The following AHSG variants were observed in gnomAD, a reference collection of about 807,000 sequenced individuals.
AHSG encodes the protein alpha-2-HS-glycoprotein.
AHSG carries 23 observed loss-of-function variants against 30.1 expected under a neutral mutation model. That is an observed-to-expected ratio of 0.76 (90% confidence interval 0.55 to 1.08). The LOEUF (loss-of-function observed/expected upper bound fraction) is 1.08, where lower values mean the gene tolerates loss of function less well. AHSG is among the 50% of genes least tolerant of loss of function. The probability of loss-of-function intolerance (pLI) is 0.00; values close to 1 mark genes in which losing one functional copy is unlikely to be tolerated. For synonymous variants in AHSG, 164 were observed against 186.3 expected, an observed-to-expected ratio of 0.88 and a Z score of 0.98; for missense variants, 469 against 459.5, an observed-to-expected ratio of 1.02 and a Z score of -0.19.
chr3:186,619,847 C>T lies in AHSG; in HGVS notation c.676-10C>T, dbSNP rs1716423178. ...ATTAGTTAAAATAAATCCTCTTTCT[C>T]TGTGGGCAGCAATATGGCTTTTGTA... On this transcript the variant is annotated splice_polypyrimidine_tract_variant and intron_variant, in intron 5 of 6. Transcript: ENST00000411641. The T allele has an allele frequency of 6.2e-7, 1 of 1,601,168 alleles. No homozygotes were observed. The highest frequency in any genetic ancestry group is 1.4e-5 in the African/African-American group (1 of 73,852).
At chr3:186,615,610 G>A (rs1317111644) in intron 1 of AHSG, 75 bp from the exon 2 acceptor site, 1 of 1,211,336 alleles carries the variant, frequency 8.3e-7, no homozygotes, top group African/African-American at 1.5e-5. Context: ...CAAGCCCAAT[G>A]AGGGCGCATA....
At chr3:186,619,104 G>A (rs1261763242) in intron 5 of AHSG, among the ~76,000 whole-genome samples, 1 of 152,120 alleles carries the variant, frequency 6.6e-6, no homozygotes, top group Admixed American at 6.5e-5. Context: ...AGACCATCCT[G>A]GCTAACATGG....
chr3:186,616,372 G>T (rs1013003765), intron 2 of AHSG, 71 bp from the exon 3 acceptor site: 8 of 1,248,122 alleles, frequency 6.4e-6, no homozygotes, highest in Non-Finnish European at 9.2e-6. Flanking sequence ...TTTGACAGCC[G>T]TGCCTGGAGG....
chr3:186,616,634 A>G (rs1716313580), intron 3 of AHSG, 107 bp downstream of exon 3: 1 of 963,982 alleles, frequency 1.0e-6, no homozygotes, highest in South Asian at 1.7e-5. Context: ...CGGTGAGGAA[A>G]AGGAGAAGCC....
Position 186,620,704 on chromosome 3 carries a change from C to A in AHSG, c.878C>A (p.Ser293Ter). 1 of 1,614,206 alleles carries A rather than the reference C, an allele frequency of 6.2e-7. No homozygotes were observed. The highest frequency in any genetic ancestry group is 1.3e-5 in the African/African-American group (1 of 75,062). ...LGAPGLPPAG[S>*]PPDSHVLLAA... The stretch of plus-strand genomic sequence containing the variant: ...GCACCTGGACTCCCTCCAGCTGGCT[C>A]ACCCCCAGACTCCCATGTGTTACTG... Residue 293 changes from serine (S) to a stop codon, truncating the protein, a stop_gained, in exon 7 of 7, where the codon TCA becomes TAA. Coordinates refer to ENST00000411641, the MANE Select transcript of AHSG (RefSeq NM_001622.4). LOFTEE classifies it low-confidence loss of function (END_TRUNC).
rs1716382920 is a variant in AHSG, at chr3:186,618,603, C to G, written c.641C>G (p.Thr214Arg). ...ACTGACTGTGTTGCTAAAGAGGCCA[C>G]AGAGGCAGCCAAGTGTAACCTGCTG... Reference protein sequence around the residue: ...SGTDCVAKEATEAAKCNLLAE... With the variant: ...SGTDCVAKEAREAAKCNLLAE... The change falls in exon 5 of 7, where the codon ACA (threonine) becomes AGA (arginine). Residue 214 changes from threonine to arginine, a missense_variant. Transcript: ENST00000411641. 6.2e-7 allele frequency: 1 copy of G among 1,614,004 alleles called. No individual in the cohort carries two copies.
intron 1 of AHSG, among the ~76,000 whole-genome samples, chr3:186,615,099 A>C (rs1419905571): frequency 6.6e-6 from 1 of 152,118 alleles, no homozygotes. Context: ...AGCCAAGACA[A>C]AGGAAAAACC....
rs1490650775 is a variant in AHSG, at chr3:186,617,263, C to A, written c.486C>A (p.His162Gln). 1.2e-6 allele frequency: 2 copies of A among 1,614,214 alleles called. No homozygotes were observed. Among genetic ancestry groups the A allele is most frequent in the African/African-American group, 1.3e-5 (1 of 75,060 alleles). ...LAPLNDTRVV[H>Q]AAKAALAAFN... The stretch of plus-strand genomic sequence containing the variant: ...CGCTGAACGACACCAGGGTGGTGCA[C>A]GCCGCGAAAGCTGCCCTGGCCGCCT... Residue 162 changes from histidine to glutamine, a missense_variant, in exon 4 of 7, where the codon CAC becomes CAA. His to Gln is a conservative substitution (Grantham distance 24, BLOSUM62 0). Coordinates refer to ENST00000411641, the MANE Select transcript of AHSG (RefSeq NM_001622.4).
chr3:186,613,360 TGG>T lies in AHSG; in HGVS notation c.213+7_213+8del. On this transcript the variant is annotated splice_region_variant and intron_variant, in intron 1 of 6. Coordinates refer to ENST00000411641, the MANE Select transcript of AHSG (RefSeq NM_001622.4). ...AAGTAAAGGTGTGGCCTCAGGTAAG[TGG>T]ACCTGCTGTCTATGAGCTGAAATAA... 1 of 1,606,522 alleles carries T rather than the reference TGG, an allele frequency of 6.2e-7. No individual in the cohort carries two copies. Among genetic ancestry groups the T allele is most frequent in the Non-Finnish European group, 8.5e-7 (1 of 1,175,742 alleles).
Position 186,618,585 on chromosome 3 carries a change from G to C in AHSG, c.623G>C (p.Cys208Ser). The C allele has an allele frequency of 6.2e-7, 1 of 1,614,160 alleles. No homozygotes were observed. The change falls in exon 5 of 7, where the codon TGT becomes TCT. Residue 208 changes from cysteine (C) to serine (S), a missense_variant. Transcript: ENST00000411641. ...YVEFTVSGTD[C>S]VAKEATEAAK... ...GAGTTTACAGTGTCTGGCACTGACT[G>C]TGTTGCTAAAGAGGCCACAGAGGCA...
At position 186,613,167 on chromosome 3, in the gene AHSG, G is replaced by T. The variant is rs201151319; in HGVS notation, c.26G>T (p.Cys9Phe). Residue 9 changes from cysteine to phenylalanine, a missense_variant, in exon 1 of 7, where the codon TGT (cysteine) becomes TTT (phenylalanine). Transcript: ENST00000411641. ...ATGAAGTCCCTCGTCCTGCTCCTTT[G>T]TCTTGCTCAGCTCTGGGGCTGCCAC... MKSLVLLL[C>F]LAQLWGCHSA... is the part of the protein sequence containing the mutation. The T allele has an allele frequency of 2.2e-5, 35 of 1,614,094 alleles. 1 individual carries two copies. In the East Asian group the frequency reaches 7.8e-4, roughly 36 times the overall value.
At position 186,621,007 on chromosome 3, in the gene AHSG, G is replaced by A; in HGVS notation, c.*77G>A. ...TTTGTCCAAGCCTGGGCATGGGTGG[G>A]GGGCCTTGTCTGCTGGCCACGCAAG... On this transcript the variant is annotated 3_prime_UTR_variant, in exon 7 of 7. Transcript: ENST00000411641. 1.4e-6 allele frequency: 2 copies of A among 1,445,208 alleles called. No homozygotes were observed. The highest frequency in any genetic ancestry group is 2.4e-5 in the East Asian group (1 of 41,776). 89.5% of individuals were successfully genotyped at this position (1,445,208 alleles called of 1,614,324 possible).
At position 186,619,395 on chromosome 3, in the gene AHSG, G is replaced by T. The variant is rs77902051; in HGVS notation, c.676-462G>T. 1.8e-3 allele frequency among the ~76,000 whole-genome samples: 267 copies of T among 152,230 alleles called. 2 individuals are homozygous for T. Among genetic ancestry groups the T allele is most frequent in the African/African-American group, 6.1e-3 (255 of 41,544 alleles). On this transcript the variant is annotated intron_variant, in intron 5 of 6. Transcript: ENST00000411641. ...GGATATAAAGAGACCAAAAAAGAGA[G>T]ATCTGTATGTCCAACAGGAAGGTGT...
intron 1 of AHSG, among the ~76,000 whole-genome samples, chr3:186,614,778 C>T (rs528995660): frequency 6.6e-6 from 1 of 152,164 alleles, no homozygotes; most frequent in Non-Finnish European, 1.5e-5. Context: ...TCATAAAATG[C>T]GGAGCTTCTC....
Position 186,616,660 on chromosome 3 carries a change from T to A in AHSG, c.409+133T>A, listed in dbSNP as rs945511983. On this transcript the variant is annotated intron_variant, in intron 3 of 6. Coordinates refer to ENST00000411641, the MANE Select transcript of AHSG (RefSeq NM_001622.4). ...AGGAGAAGCCAAATTTCCTGGGTTC[T>A]GGGATTTTTAAAATTGTGTTTTAAG... The A allele has an allele frequency of 8.9e-5, 71 of 799,472 alleles. 1 individual carries two copies. In the South Asian group the frequency reaches 1.0e-3, roughly 11 times the overall value. 49.5% of individuals were successfully genotyped at this position (799,472 alleles called of 1,614,324 possible).
At position 186,620,946 on chromosome 3, in the gene AHSG, G is replaced by A; in HGVS notation, c.*16G>A. 6.3e-7 allele frequency: 1 copy of A among 1,597,762 alleles called. No individual in the cohort carries two copies. The highest frequency in any genetic ancestry group is 8.6e-7 in the Non-Finnish European group (1 of 1,166,812). On this transcript the variant is annotated 3_prime_UTR_variant, in exon 7 of 7. Transcript: ENST00000411641. ...CAAGGTCTAGGCTAGACATGGCAGA[G>A]ATGAGGAGGTTTGGCACAGAAAACA...
At chr3:186,618,916 GT>G (rs1275681649) in intron 5 of AHSG, among the ~76,000 whole-genome samples, 2 of 152,192 alleles carry the variant, frequency 1.3e-5, no homozygotes, top group Non-Finnish European at 2.9e-5. Flanking sequence ...GGAATGTGAA[GT>G]GCACATTTTC....
chr3:186,615,385 T>C (rs1478737952), intron 1 of AHSG, among the ~76,000 whole-genome samples: 1 of 152,168 alleles, frequency 6.6e-6, no homozygotes, highest in Non-Finnish European at 1.5e-5. Flanking sequence ...AGTTTTCAAA[T>C]AGAGCTCAGA....
chr3:186,613,281 A>G lies in AHSG; in HGVS notation c.140A>G (p.Tyr47Cys). The G allele has an allele frequency of 1.2e-6, 2 of 1,614,192 alleles. No individual in the cohort carries two copies. Among genetic ancestry groups the G allele is most frequent in the Non-Finnish European group, 1.7e-6 (2 of 1,180,024 alleles). Residue 47 changes from tyrosine (Y) to cysteine (C), a missense_variant, in exon 1 of 7, where the codon TAC becomes TGC. Transcript: ENST00000411641. The part of the protein sequence containing the change: ...TEEAALVAID[Y>C]INQNLPWGYK... The stretch of plus-strand genomic sequence containing the variant: ...GAAGCAGCTCTGGTGGCTATAGACT[A>G]CATCAATCAAAACCTTCCTTGGGGA...
Sources: allele counts gnomAD v4.1 joint callset (sites outside exome capture counted in the v4.1 genomes callset), GRCh38; gene constraint gnomAD v4.1.1; transcripts MANE v1.5; gene names NCBI Gene and HGNC (gene_info 2026-07-23, HGNC 2026-07-21).